The following SPATA18 variants were observed in gnomAD, a reference collection of about 807,000 sequenced individuals.
SPATA18 encodes mitochondria-eating protein.
A neutral mutation model predicts 68.1 loss-of-function variants in SPATA18; 54 were observed. That is an observed-to-expected ratio of 0.79 (90% CI 0.64 to 0.99). The LOEUF is 0.99. SPATA18 is among the 50% of genes least tolerant of loss of function. SPATA18 has a pLI of 0.00. For synonymous variants in SPATA18, 242 were observed against 244.8 expected (o/e 0.99, Z 0.11); for missense variants, 724 against 681.1 (o/e 1.06, Z -0.70).
intron 1 of SPATA18, among the ~76,000 whole-genome samples, chr4:52,055,546 G>A (rs532111990): frequency 2.0e-4 from 31 of 152,246 alleles, no homozygotes; most frequent in Non-Finnish European, 3.5e-4. Flanking sequence ...TCATTGTGGT[G>A]TGTTTCTCTA....
At chr4:52,082,809 G>A (rs948870928) in intron 10 of SPATA18, 1 of 1,210,572 alleles carries the variant, frequency 8.3e-7, no homozygotes. Context: ...AAAGCCCTTT[G>A]AAGTTATCTT....
In SPATA18 at chr4:52,094,449, A is replaced by G; in HGVS notation, c.1564-78A>G. The G allele has an allele frequency of 3.5e-6, 5 of 1,420,352 alleles. No individual in the cohort carries two copies. In the South Asian group the frequency reaches 3.5e-5, roughly 10 times the overall value. The allele number at this position is 1,420,352 out of a possible 1,614,324, so 88.0% of individuals were successfully genotyped here. ...GAAAGCTATTTGGTTGGTTTTAGGG[A>G]AAAAAAATATGTCAAAAGAATTCAT... On this transcript the variant is annotated intron_variant, in intron 11 of 12. Transcript: ENST00000295213.
intron 7 of SPATA18, 196 bp from the exon 8 acceptor site, chr4:52,078,539 T>C: frequency 2.2e-6 from 1 of 446,112 alleles, no homozygotes. Context: ...TTAGTGAGCA[T>C]GGATTATTAT....
intron 4 of SPATA18, among the ~76,000 whole-genome samples, chr4:52,063,175 T>TTAAG (rs1442869055): frequency 3.3e-5 from 5 of 152,156 alleles, no homozygotes; most frequent in African/African-American, 1.2e-4. Context: ...TAATAACTAG[T>TTAAG]TAAGGCTAGG....
chr4:52,067,845 G>C (rs1337135420), intron 4 of SPATA18, among the ~76,000 whole-genome samples: 1 of 152,158 alleles, frequency 6.6e-6, no homozygotes, highest in African/African-American at 2.4e-5. Flanking sequence ...TTACTGTCTT[G>C]CATTGCTGAA....
At chr4:52,070,911 CAT>C (rs1161411109) in intron 5 of SPATA18, among the ~76,000 whole-genome samples, 8 of 151,532 alleles carry the variant, frequency 5.3e-5, no homozygotes, top group East Asian at 3.9e-4. Context: ...CACACACACA[CAT>C]ACACACCCCT....
intron 4 of SPATA18, among the ~76,000 whole-genome samples, chr4:52,063,715 G>C (rs868343608): frequency 1.3e-5 from 2 of 152,076 alleles, no homozygotes; most frequent in Non-Finnish European, 2.9e-5. Context: ...AGGGATGCTT[G>C]TATACTCTCC....
intron 4 of SPATA18, among the ~76,000 whole-genome samples, chr4:52,064,035 G>T (rs1271939175): frequency 1.3e-5 from 2 of 152,074 alleles, no homozygotes; most frequent in Admixed American, 6.5e-5. Context: ...CATAGATCAA[G>T]AAACTTAATG....
intron 1 of SPATA18, among the ~76,000 whole-genome samples, chr4:52,058,230 A>G (rs1738519711): frequency 6.6e-6 from 1 of 152,246 alleles, no homozygotes; most frequent in Non-Finnish European, 1.5e-5. Flanking sequence ...TCAATTTGCT[A>G]GGATACTAGT....
chr4:52,054,705 C>T (rs889613017), intron 1 of SPATA18, among the ~76,000 whole-genome samples: 2 of 151,954 alleles, frequency 1.3e-5, no homozygotes, highest in African/African-American at 2.4e-5. Context: ...GGTCCGTGAT[C>T]TCTTATCAAG....
chr4:52,052,353 G>T (rs1560576737), intron 1 of SPATA18, among the ~76,000 whole-genome samples: 1 of 152,326 alleles, frequency 6.6e-6, no homozygotes, highest in East Asian at 1.9e-4. Flanking sequence ...TTGAGGCACA[G>T]TTCCAACACC....
chr4:52,063,307 T>C (rs1166737859), intron 4 of SPATA18, among the ~76,000 whole-genome samples: 3 of 152,230 alleles, frequency 2.0e-5, no homozygotes, highest in African/African-American at 7.2e-5. Context: ...TTTCTCAAAA[T>C]GCATACAACA....
chr4:52,077,508 T>C (rs924030751), intron 7 of SPATA18, among the ~76,000 whole-genome samples: 6 of 151,744 alleles, frequency 4.0e-5, no homozygotes, highest in African/African-American at 1.5e-4. Flanking sequence ...TATATATGAA[T>C]AGTTATATAA....
rs753244156 is a variant in SPATA18 at position 52,060,470 on chromosome 4, G to A, written c.139G>A (p.Val47Ile). Residue 47 changes from valine (V) to isoleucine (I), a missense_variant, in exon 2 of 13, where the codon GTT (valine) becomes ATT (isoleucine). Val to Ile is a conservative substitution (Grantham distance 29). Transcript: ENST00000295213. ...CCATTGCCTTGAACTCATTGAGCAAGTTGCCAAGGTGCAGGGACAACTCTT... is the reference window on the plus strand; with the variant it reads ...CCATTGCCTTGAACTCATTGAGCAAATTGCCAAGGTGCAGGGACAACTCTT... ...LNHCLELIEQ[V>I]AKVQGQLFGI... is the part of the protein sequence containing the mutation. The A allele has an allele frequency of 1.2e-6, 2 of 1,614,086 alleles. No homozygotes were observed. The highest frequency in any genetic ancestry group is 1.3e-5 in the African/African-American group (1 of 75,034).
chr4:52,095,638 C>A lies in SPATA18; in HGVS notation c.*751C>A, dbSNP rs1454907861. The A allele has an allele frequency of 6.6e-6, 1 of 152,180 alleles. No individual in the cohort carries two copies. Among genetic ancestry groups the A allele is most frequent in the African/African-American group, 2.4e-5 (1 of 41,428 alleles). 9.4% of individuals were successfully genotyped at this position (152,180 alleles called of 1,614,324 possible). A position where few individuals can be genotyped will look rare whatever the true frequency, so the allele number is the denominator to read the frequency against. On this transcript the variant is annotated 3_prime_UTR_variant, in exon 13 of 13. Coordinates refer to ENST00000295213, the MANE Select transcript of SPATA18 (RefSeq NM_145263.4). ...CCAGCTTTGAGATAAATGTTAATTA[C>A]CTCATGCATATCTCCTGGGAATATT... is the stretch of plus-strand genomic sequence containing the variant.
In SPATA18 at chr4:52,095,150, C is replaced by T. The variant is rs553607317; in HGVS notation, c.*263C>T. On this transcript the variant is annotated 3_prime_UTR_variant, in exon 13 of 13. Transcript: ENST00000295213. ...ATAGGCATTTAGGATCATATTCATTCGAAGCAAAGTCCGTTACAAAGGTTC... is the reference window on the plus strand; with the variant it reads ...ATAGGCATTTAGGATCATATTCATTTGAAGCAAAGTCCGTTACAAAGGTTC... 96 of 506,028 alleles carry T rather than the reference C, an allele frequency of 1.9e-4. 1 individual carries two copies. The highest frequency in any genetic ancestry group is 3.3e-4 in the African/African-American group (17 of 51,468). The allele number at this position is 506,028 out of a possible 1,614,324, so 31.3% of individuals were successfully genotyped here. A position where few individuals can be genotyped will look rare whatever the true frequency, so the allele number is the denominator to read the frequency against.
Position 52,094,903 on chromosome 4 carries a change from T to A in SPATA18, c.*16T>A, listed in dbSNP as rs1247080779. ...AGGATTTTAAAAGCACCAGACCTGCTCCTTTGACCCAGTGCGTGGAAACAG... is the reference window on the plus strand; with the variant it reads ...AGGATTTTAAAAGCACCAGACCTGCACCTTTGACCCAGTGCGTGGAAACAG... On this transcript the variant is annotated 3_prime_UTR_variant, in exon 13 of 13. Transcript: ENST00000295213. The A allele has an allele frequency of 6.2e-7, 1 of 1,614,072 alleles. No homozygotes were observed. Among genetic ancestry groups the A allele is most frequent in the East Asian group, 2.2e-5 (1 of 44,880 alleles).
In SPATA18 at chr4:52,064,140, C is replaced by G. The variant is rs201741238; in HGVS notation, c.422+1808C>G. ...CATTTCCATATGCCCTTTCATATGCCTTTTGCCCTATATGCTTTATCACGT... is the reference window on the plus strand; with the variant it reads ...CATTTCCATATGCCCTTTCATATGCGTTTTGCCCTATATGCTTTATCACGT... On this transcript the variant is annotated intron_variant, in intron 4 of 12. Transcript: ENST00000295213. 1.4e-4 allele frequency among the ~76,000 whole-genome samples: 21 copies of G among 151,690 alleles called. No individual in the cohort carries two copies. In the East Asian group the frequency reaches 3.5e-3, roughly 25 times the overall value.
rs750289018 is a variant in SPATA18, at chr4:52,077,050, G to C, written c.1020+10G>C. On this transcript the variant is annotated intron_variant, in intron 7 of 12. Transcript: ENST00000295213. ...CTACATCGCCACAGTGGTATGTGAC[G>C]CCTGCGGGACTCCCGGCTCCTTAGG... is the stretch of plus-strand genomic sequence containing the variant. 2.0e-5 allele frequency: 32 copies of C among 1,586,954 alleles called. No homozygotes were observed. The highest frequency in any genetic ancestry group is 2.7e-5 in the African/African-American group (2 of 74,248).
Sources: gnomAD v4.1 joint callset for allele counts (sites outside exome capture counted in the v4.1 genomes callset) on GRCh38, gnomAD v4.1.1 for gene constraint, MANE v1.5 for transcripts, NCBI Gene and HGNC (gene_info 2026-07-23, HGNC 2026-07-21) for gene names.